MTUS1: variants seen among roughly 807,000 people sequenced by gnomAD.
The protein encoded by MTUS1 is microtubule associated scaffold protein 1.
In MTUS1, 109 loss-of-function variants were observed where a neutral mutation model predicts 120.8. The observed-to-expected ratio is 0.90, with a 90% CI of 0.77 to 1.06. MTUS1 has a LOEUF of 1.06. MTUS1 is among the 50% of genes least tolerant of loss of function. The probability of loss-of-function intolerance (pLI) is 0.00; values close to 1 mark genes in which losing one functional copy is unlikely to be tolerated. For missense variants in MTUS1, 2,210 were observed against 1,486.3 expected, an observed-to-expected ratio of 1.49 and a Z score of -8.01; for synonymous variants, 737 against 550.5, an observed-to-expected ratio of 1.34 and a Z score of -4.74.
At chr8:17,761,739 T>A (rs975899836) in intron 1 of MTUS1, among the ~76,000 whole-genome samples, 4 of 152,228 alleles carry the variant, frequency 2.6e-5, no homozygotes, top group Non-Finnish European at 5.9e-5. Flanking sequence ...TTTTACTACT[T>A]ATTTATGTTA....
chr8:17,773,976 T>C (rs2050207146), intron 1 of MTUS1, among the ~76,000 whole-genome samples: 1 of 152,260 alleles, frequency 6.6e-6, no homozygotes, highest in African/African-American at 2.4e-5. Context: ...ACGTCCATGT[T>C]CTTCCCCACT....
At chr8:17,688,994 A>G (rs1816407611) in intron 6 of MTUS1, among the ~76,000 whole-genome samples, 1 of 152,108 alleles carries the variant, frequency 6.6e-6, no homozygotes, top group African/African-American at 2.4e-5. Flanking sequence ...GGCAGATCAC[A>G]AAGTCACGTG....
At chr8:17,790,230 C>T (rs1346898870) in intron 1 of MTUS1, among the ~76,000 whole-genome samples, 1 of 151,920 alleles carries the variant, frequency 6.6e-6, no homozygotes, top group African/African-American at 2.4e-5. Context: ...CACCTGTAGT[C>T]CCAGCTACTC....
chr8:17,702,282 C>T (rs1199255102), intron 6 of MTUS1, among the ~76,000 whole-genome samples: 4 of 152,182 alleles, frequency 2.6e-5, no homozygotes, highest in African/African-American at 9.7e-5. Context: ...ACTGAGAGCA[C>T]ATTATTTTAA....
Position 17,766,733 on chromosome 8 carries a change from A to G in MTUS1, c.-154-10772T>C, listed in dbSNP as rs183177418. Among the ~76,000 whole-genome samples, 73 of 152,284 alleles carry G rather than the reference A, an allele frequency of 4.8e-4. 1 individual carries two copies. The East Asian group carries it at 9.7e-3, about 20-fold the overall frequency. On this transcript the variant is annotated intron_variant, in intron 1 of 14. Transcript: ENST00000693296. ...CTTTTATAACAGAGAATTGATTTTG[A>G]TACATATTTTAAAATATGATAGTGC...
In MTUS1 at chr8:17,725,262, G is replaced by C. The variant is rs17125217; in HGVS notation, c.2288-1429C>G. On this transcript the variant is annotated intron_variant, in intron 3 of 14. Coordinates refer to ENST00000693296, the MANE Select transcript of MTUS1 (RefSeq NM_001363059.2). ...ATAAGTGAGTCAAATAATGCTGCTG[G>C]AAAGTAATGCCCATTGCTTTGTTCT... is the stretch of plus-strand genomic sequence containing the variant. 8.7e-3 allele frequency among the ~76,000 whole-genome samples: 1,318 copies of C among 152,238 alleles called. 17 individuals are homozygous for C. Among genetic ancestry groups the C allele is most frequent in the African/African-American group, 0.03 (1,260 of 41,530 alleles).
chr8:17,693,403 C>G (rs977272955), intron 6 of MTUS1: 1 of 152,174 alleles, frequency 6.6e-6, no homozygotes, highest in Non-Finnish European at 1.5e-5. Context: ...CAACAACACG[C>G]TTTGCCAGTG....
chr8:17,755,876 C>T lies in MTUS1; in HGVS notation c.-69G>A, dbSNP rs1175673227. ...AATTCCTTTTAAATGAGAGGGTGGG[C>T]AAAATGGTCTGTCTTCTAGGTTTTT... is the stretch of plus-strand genomic sequence containing the variant. On this transcript the variant is annotated 5_prime_UTR_variant, in exon 2 of 15. Coordinates refer to ENST00000693296, the MANE Select transcript of MTUS1 (RefSeq NM_001363059.2). 1.3e-6 allele frequency: 2 copies of T among 1,533,832 alleles called. No individual in the cohort carries two copies. Among genetic ancestry groups the T allele is most frequent in the Non-Finnish European group, 1.7e-6 (2 of 1,146,932 alleles).
At chr8:17,669,291 G>A (rs1009730450) in intron 8 of MTUS1, among the ~76,000 whole-genome samples, 6 of 152,186 alleles carry the variant, frequency 3.9e-5, no homozygotes, top group East Asian at 1.9e-4. Context: ...GGAGCATGAG[G>A]GGTCCGCGAC....
intron 1 of MTUS1, among the ~76,000 whole-genome samples, chr8:17,763,422 C>T (rs1373733869): frequency 6.6e-6 from 1 of 152,184 alleles, no homozygotes; most frequent in East Asian, 1.9e-4. Context: ...ATGTTGTTTC[C>T]ATACCACTTC....
At position 17,723,692 on chromosome 8, in the gene MTUS1, A is replaced by T; in HGVS notation, c.2429T>A (p.Leu810Gln). The T allele has an allele frequency of 6.2e-7, 1 of 1,610,896 alleles. No homozygotes were observed. The highest frequency in any genetic ancestry group is 8.5e-7 in the Non-Finnish European group (1 of 1,177,754). Residue 810 changes from leucine (L) to glutamine (Q), a missense_variant, in exon 4 of 15, where the codon CTG (leucine) becomes CAG (glutamine). Physicochemically the swap from Leu to Gln is moderately radical, Grantham distance 113. Coordinates refer to ENST00000693296, the MANE Select transcript of MTUS1 (RefSeq NM_001363059.2). ...TPSIASTHSE[L>Q]STYSNNSGNA... ...CTTACAATTGTTGCTGTAAGTGCTCAGCTCACTGTGGGTGCTGGCTATTGA... is the reference window on the plus strand; with the variant it reads ...CTTACAATTGTTGCTGTAAGTGCTCTGCTCACTGTGGGTGCTGGCTATTGA...
At chr8:17,693,753 T>C (rs931471976) in intron 6 of MTUS1, among the ~76,000 whole-genome samples, 18 of 152,236 alleles carry the variant, frequency 1.2e-4, no homozygotes, top group Non-Finnish European at 4.4e-5. Flanking sequence ...CCCTGCATTA[T>C]TAACTGGTGC....
intron 1 of MTUS1, among the ~76,000 whole-genome samples, chr8:17,760,006 C>A (rs2048912565): frequency 6.7e-6 from 1 of 150,028 alleles, no homozygotes; most frequent in African/African-American, 2.4e-5. Context: ...CCCAGGAGTT[C>A]AAGACTAGCC....
At chr8:17,685,695 G>T (rs994609548) in intron 6 of MTUS1, among the ~76,000 whole-genome samples, 13 of 105,732 alleles carry the variant, frequency 1.2e-4, no homozygotes, top group African/African-American at 3.1e-4. Context: ...TTAAAAACAG[G>T]GAAAAAAAGG....
At chr8:17,655,749 T>C in intron 9 of MTUS1, 114 bp downstream of exon 9, 2 of 896,524 alleles carry the variant, frequency 2.2e-6, no homozygotes, top group Admixed American at 4.0e-5. Context: ...AACAACAACA[T>C]GCTTTTTATA....
chr8:17,764,809 A>G (rs2049335880), intron 1 of MTUS1, among the ~76,000 whole-genome samples: 1 of 152,212 alleles, frequency 6.6e-6, no homozygotes, highest in Admixed American at 6.5e-5. Flanking sequence ...GAACTAGTCT[A>G]TGCCCTAATC....
At chr8:17,765,282 T>G (rs1420422297) in intron 1 of MTUS1, among the ~76,000 whole-genome samples, 3 of 152,090 alleles carry the variant, frequency 2.0e-5, no homozygotes, top group Admixed American at 1.3e-4. Context: ...GCAGCCCTGT[T>G]CCTAACAGGC....
chr8:17,786,943 T>C (rs570168666), intron 1 of MTUS1, among the ~76,000 whole-genome samples: 1 of 152,344 alleles, frequency 6.6e-6, no homozygotes, highest in Non-Finnish European at 1.5e-5. Flanking sequence ...CAGCTATACA[T>C]TTCAGAAAGA....
chr8:17,653,717 G>A (rs1481817549), intron 10 of MTUS1: 3 of 457,310 alleles, frequency 6.6e-6, no homozygotes, highest in Admixed American at 8.6e-5. Context: ...GAGCCCTGAG[G>A]CCCACTGAAG....
Sources: allele counts gnomAD v4.1 joint callset (sites outside exome capture counted in the v4.1 genomes callset), GRCh38; gene constraint gnomAD v4.1.1; transcripts MANE v1.5; gene names NCBI Gene and HGNC (gene_info 2026-07-23, HGNC 2026-07-21).